The following EIF2AK3 variants were observed in gnomAD, a reference collection of about 807,000 sequenced individuals.
EIF2AK3 encodes eukaryotic translation initiation factor 2 alpha kinase 3.
EIF2AK3 carries 50 observed loss-of-function variants against 113.5 expected under a neutral mutation model. The ratio of observed to expected loss-of-function variants is 0.44; its 90% CI spans 0.35 to 0.56. EIF2AK3 has a LOEUF of 0.56. Ranked by LOEUF, EIF2AK3 falls within the 20% of genes least tolerant of loss-of-function variation. The pLI, the probability that EIF2AK3 is intolerant of heterozygous loss-of-function variation, is 0.00. For synonymous variants in EIF2AK3, 448 were observed against 495.4 expected, an observed-to-expected ratio of 0.90 and a Z score of 1.27; for missense variants, 1,185 against 1,378.0, an observed-to-expected ratio of 0.86 and a Z score of 2.22.
intron 14 of EIF2AK3, among the ~76,000 whole-genome samples, chr2:88,562,663 G>T (rs577798569): frequency 1.3e-5 from 2 of 152,188 alleles, no homozygotes; most frequent in Non-Finnish European, 2.9e-5. Flanking sequence ...CTGGAGACTT[G>T]CCATGCTAAA....
At chr2:88,603,579 T>C (rs1675202319) in intron 2 of EIF2AK3, among the ~76,000 whole-genome samples, 1 of 152,246 alleles carries the variant, frequency 6.6e-6, no homozygotes, top group African/African-American at 2.4e-5. Context: ...AAGTAGCAGA[T>C]GCAAAAATCT....
intron 3 of EIF2AK3, among the ~76,000 whole-genome samples, chr2:88,594,402 G>T (rs979796896): frequency 6.6e-6 from 1 of 152,116 alleles, no homozygotes; most frequent in Non-Finnish European, 1.5e-5. Context: ...TCACCATGTT[G>T]GCCAGGCTGG....
intron 2 of EIF2AK3, among the ~76,000 whole-genome samples, chr2:88,603,745 A>T (rs1026753828): frequency 2.0e-5 from 3 of 152,212 alleles, no homozygotes; most frequent in Non-Finnish European, 4.4e-5. Context: ...ACTTTCTTTC[A>T]AGGTGATTGA....
At chr2:88,559,563 T>C (rs539440439) in intron 15 of EIF2AK3, among the ~76,000 whole-genome samples, 68 of 151,612 alleles carry the variant, frequency 4.5e-4, no homozygotes, top group African/African-American at 1.5e-3. Context: ...TACATATATG[T>C]GTATATATGT....
chr2:88,602,924 A>T (rs1425610571), intron 2 of EIF2AK3, among the ~76,000 whole-genome samples: 3 of 152,196 alleles, frequency 2.0e-5, no homozygotes, highest in Non-Finnish European at 2.9e-5. Flanking sequence ...CTATGTAACA[A>T]ACCTGCACAT....
chr2:88,574,454 A>G (rs904033589), intron 13 of EIF2AK3: 2 of 603,674 alleles, frequency 3.3e-6, no homozygotes, highest in African/African-American at 3.7e-5. Flanking sequence ...CACATTACTG[A>G]AGACAATGAA....
intron 2 of EIF2AK3, among the ~76,000 whole-genome samples, chr2:88,612,146 CACTT>C (rs1553411957): frequency 1.3e-5 from 2 of 152,190 alleles, no homozygotes; most frequent in Non-Finnish European, 2.9e-5. Context: ...AACTCAAACA[CACTT>C]ACTAGCACTC....
At chr2:88,613,973 G>A in intron 1 of EIF2AK3, 120 bp from the exon 2 acceptor site, 2 of 863,720 alleles carry the variant, frequency 2.3e-6, no homozygotes, top group South Asian at 1.6e-5. Context: ...AGGAAGAGGG[G>A]GCCTTCTACC....
chr2:88,578,412 G>T (rs187680282), intron 11 of EIF2AK3, among the ~76,000 whole-genome samples: 1 of 152,204 alleles, frequency 6.6e-6, no homozygotes, highest in East Asian at 1.9e-4. Context: ...GCCGAGTGTG[G>T]TGGTGCATGC....
intron 1 of EIF2AK3, among the ~76,000 whole-genome samples, chr2:88,625,283 G>GTA: frequency 1.1e-5 from 1 of 87,458 alleles, no homozygotes; most frequent in Non-Finnish European, 2.2e-5. Context: ...TATCGCTTAC[G>GTA]TACACACACA....
At chr2:88,599,366 CTTTATT>C (rs1011306750) in intron 2 of EIF2AK3, among the ~76,000 whole-genome samples, 7 of 151,754 alleles carry the variant, frequency 4.6e-5, no homozygotes, top group South Asian at 2.1e-4. Flanking sequence ...AAATTAAAAC[CTTTATT>C]TTTATCTTTT....
At chr2:88,579,083 C>A (rs1674533844) in intron 11 of EIF2AK3, among the ~76,000 whole-genome samples, 1 of 152,114 alleles carries the variant, frequency 6.6e-6, no homozygotes, top group African/African-American at 2.4e-5. Context: ...GTACTGGCAA[C>A]TGGCTACCAG....
intron 2 of EIF2AK3, 79 bp from the exon 3 acceptor site, chr2:88,595,742 G>T: frequency 7.7e-7 from 1 of 1,302,988 alleles, no homozygotes; most frequent in Non-Finnish European, 1.1e-6. Context: ...AAAAATAGAA[G>T]CATCATACCT....
intron 11 of EIF2AK3, among the ~76,000 whole-genome samples, chr2:88,579,144 T>C (rs1479286559): frequency 6.6e-6 from 1 of 152,200 alleles, no homozygotes; most frequent in Non-Finnish European, 1.5e-5. Context: ...TACTCTAAAG[T>C]GTTAATAGTT....
At chr2:88,557,971 C>T in intron 16 of EIF2AK3, 35 bp from the exon 17 acceptor site, 1 of 1,593,814 alleles carries the variant, frequency 6.3e-7, no homozygotes, top group Non-Finnish European at 8.6e-7. Flanking sequence ...GATAAAACGG[C>T]CAGGTTTGAT....
intron 1 of EIF2AK3, among the ~76,000 whole-genome samples, chr2:88,622,587 GA>G (rs1675754220): frequency 6.6e-6 from 1 of 152,196 alleles, no homozygotes; most frequent in Non-Finnish European, 1.5e-5. Flanking sequence ...AGACACAAAG[GA>G]TAGTTCATTA....
intron 1 of EIF2AK3, among the ~76,000 whole-genome samples, chr2:88,617,692 G>C (rs1379252815): frequency 2.6e-5 from 4 of 151,830 alleles, no homozygotes; most frequent in Admixed American, 2.6e-4. Context: ...AGGAGGCAGA[G>C]GTTGCAGTGA....
chr2:88,609,239 C>T (rs772076381), intron 2 of EIF2AK3, among the ~76,000 whole-genome samples: 2 of 152,044 alleles, frequency 1.3e-5, no homozygotes, highest in Non-Finnish European at 2.9e-5. Context: ...TATCATATAC[C>T]AATTAAGTAA....
In EIF2AK3 at chr2:88,590,432, C is replaced by G. The variant is rs1674853659; in HGVS notation, c.1165+11G>C. On this transcript the variant is annotated intron_variant, in intron 6 of 16. Coordinates refer to ENST00000303236, the MANE Select transcript of EIF2AK3 (RefSeq NM_004836.7). ...ATGTGTACTATCGTTAGATAAGATA[C>G]ATTTACTCACCCAAGTAAACACTGT... 1 of 1,613,194 alleles carries G rather than the reference C, an allele frequency of 6.2e-7. No individual in the cohort carries two copies. The highest frequency in any genetic ancestry group is 1.7e-5 in the Admixed American group (1 of 60,006).
Sources: gnomAD v4.1 joint callset for allele counts (sites outside exome capture counted in the v4.1 genomes callset) on GRCh38, gnomAD v4.1.1 for gene constraint, MANE v1.5 for transcripts, NCBI Gene and HGNC (gene_info 2026-07-23, HGNC 2026-07-21) for gene names.